Variants in PDE10A observed in about 807,000 individuals in gnomAD.
PDE10A encodes phosphodiesterase 10A, also known as cAMP and cAMP-inhibited cGMP 3',5'-cyclic phosphodiesterase 10A.
A neutral mutation model predicts 97.7 loss-of-function variants in PDE10A; 39 were observed. That is an observed-to-expected ratio of 0.40 (90% CI 0.31 to 0.52). The LOEUF (loss-of-function observed/expected upper bound fraction) is 0.52, where lower values mean the gene tolerates loss of function less well. Ranked by LOEUF, PDE10A falls within the 20% of genes least tolerant of loss-of-function variation. The pLI is 0.56. For missense variants in PDE10A, 731 were observed against 1,047.8 expected (o/e 0.70, Z 4.17); for synonymous variants, 371 against 376.8 (o/e 0.98, Z 0.18).
chr6:165,543,419 G>T, intron 2 of PDE10A, 21 bp downstream of exon 2: 2 of 1,594,250 alleles, frequency 1.3e-6, no homozygotes, highest in South Asian at 2.3e-5. Flanking sequence ...GGTTTAAAAT[G>T]AGATCCACAA....
chr6:165,623,919 G>T (rs937398719), intron 1 of PDE10A, among the ~76,000 whole-genome samples: 1 of 152,184 alleles, frequency 6.6e-6, no homozygotes, highest in African/African-American at 2.4e-5. Flanking sequence ...CTCAGTGGCT[G>T]CATGCTTCTC....
chr6:165,406,324 A>T (rs1787164302), intron 13 of PDE10A, among the ~76,000 whole-genome samples: 1 of 150,188 alleles, frequency 6.7e-6, no homozygotes, highest in Non-Finnish European at 1.5e-5. Flanking sequence ...TAACTTTGTG[A>T]CTCAATGCAC....
chr6:165,550,475 T>C (rs188919943), intron 1 of PDE10A, among the ~76,000 whole-genome samples: 5 of 152,174 alleles, frequency 3.3e-5, no homozygotes, highest in Non-Finnish European at 7.3e-5. Context: ...ATTACTGAAC[T>C]ATAATAGTCC....
chr6:165,411,772 CTATT>C (rs1787860393), intron 13 of PDE10A, among the ~76,000 whole-genome samples: 1 of 152,084 alleles, frequency 6.6e-6, no homozygotes, highest in African/African-American at 2.4e-5. Flanking sequence ...AAGATAGTAT[CTATT>C]TAACAGAGAA....
At chr6:165,881,142 G>C (rs902511214) in intron 1 of PDE10A, among the ~76,000 whole-genome samples, 23 of 152,160 alleles carry the variant, frequency 1.5e-4, no homozygotes, top group African/African-American at 5.5e-4. Context: ...TGGCTTCTAG[G>C]CTTCTCTGAT....
rs544317205 is a variant in PDE10A, at chr6:165,552,125, T to C, written c.866-8557A>G. Among the ~76,000 whole-genome samples, 332 of 152,284 alleles carry C rather than the reference T, an allele frequency of 2.2e-3. 2 individuals are homozygous for C. Among genetic ancestry groups the C allele is most frequent in the African/African-American group, 7.7e-3 (318 of 41,562 alleles). On this transcript the variant is annotated intron_variant, in intron 1 of 21. Coordinates refer to ENST00000539869, the MANE Select transcript of PDE10A (RefSeq NM_001385079.1). ...CTCCACTCACTGCACTATACTCTCA[T>C]TGTACCCTCCTCCTCCTACACTTCA...
At chr6:165,726,759 C>T (rs886367163) in intron 1 of PDE10A, among the ~76,000 whole-genome samples, 1 of 152,250 alleles carries the variant, frequency 6.6e-6, no homozygotes, top group Non-Finnish European at 1.5e-5. Flanking sequence ...GGAAGACAGG[C>T]CATCCTCTGC....
chr6:165,766,040 A>G (rs1018895531), intron 1 of PDE10A, among the ~76,000 whole-genome samples: 3 of 152,240 alleles, frequency 2.0e-5, no homozygotes, highest in Non-Finnish European at 2.9e-5. Flanking sequence ...AGTAAAATAC[A>G]AACAGGTAGA....
At chr6:165,545,608 T>C (rs1250207173) in intron 1 of PDE10A, among the ~76,000 whole-genome samples, 4 of 151,936 alleles carry the variant, frequency 2.6e-5, no homozygotes, top group Admixed American at 1.3e-4. Flanking sequence ...AACTGAAAAA[T>C]GGGCCAAAGG....
intron 13 of PDE10A, among the ~76,000 whole-genome samples, chr6:165,405,499 A>G (rs1333958115): frequency 1.3e-5 from 2 of 152,224 alleles, no homozygotes; most frequent in East Asian, 3.8e-4. Flanking sequence ...ACTGTCTACT[A>G]TGGACTATGC....
intron 3 of PDE10A, among the ~76,000 whole-genome samples, chr6:165,479,220 CCCTAAT>C (rs1284125125): frequency 6.6e-6 from 1 of 152,144 alleles, no homozygotes; most frequent in Non-Finnish European, 1.5e-5. Context: ...ACCATTACAA[CCCTAAT>C]CCTAGCCATC....
At chr6:165,963,948 C>T (rs1294041185) in intron 1 of PDE10A, among the ~76,000 whole-genome samples, 1 of 152,232 alleles carries the variant, frequency 6.6e-6, no homozygotes, top group Admixed American at 6.5e-5. Context: ...GGGCAAGAAT[C>T]CGTCAGCTAA....
chr6:165,825,110 T>C (rs551026535), intron 1 of PDE10A, among the ~76,000 whole-genome samples: 2 of 138,178 alleles, frequency 1.4e-5, no homozygotes, highest in African/African-American at 5.5e-5. Flanking sequence ...ATCGCACCAC[T>C]GCACTCCAGC....
chr6:165,623,096 C>A (rs554910810), intron 1 of PDE10A, among the ~76,000 whole-genome samples: 2 of 152,278 alleles, frequency 1.3e-5, no homozygotes, highest in African/African-American at 4.8e-5. Context: ...TCTGCAGACC[C>A]ATGAGCCAAT....
rs115541106 is a variant in PDE10A at position 165,344,024 on chromosome 6, G to C, written c.2784-522C>G. 5.3e-3 allele frequency among the ~76,000 whole-genome samples: 808 copies of C among 152,324 alleles called. 6 individuals are homozygous for C. Among genetic ancestry groups the C allele is most frequent in the African/African-American group, 0.018 (747 of 41,566 alleles). ...CAACCTGGTTCCTCACTCTCCCCGT[G>C]CAAGTGTGTGAGCTGGATGCAGCCT... On this transcript the variant is annotated intron_variant, in intron 18 of 21. Transcript: ENST00000539869.
chr6:165,379,357 G>T lies in PDE10A; in HGVS notation c.2620C>A (p.His874Asn). Residue 874 changes from histidine to asparagine, a missense_variant, in exon 18 of 22, where the codon CAC becomes AAC. Physicochemically the swap from His to Asn is moderately conservative, Grantham distance 68. This residue lies in a region of PDE10A where 25 missense variants were observed against 83.7 expected (regional missense o/e 0.30). Coordinates refer to ENST00000539869, the MANE Select transcript of PDE10A (RefSeq NM_001385079.1). ...GAGCTCAGAGTGGAGAAGATATTGT[G>T]CCCTTCCAACTAGGGAAAAAATACA... ...QTVSILQLEG[H>N]NIFSTLSSSE... 3.7e-6 allele frequency: 6 copies of T among 1,610,088 alleles called. No individual in the cohort carries two copies. The highest frequency in any genetic ancestry group is 5.1e-6 in the Non-Finnish European group (6 of 1,178,652).
At chr6:165,958,732 A>AG (rs1784261805) in intron 1 of PDE10A, among the ~76,000 whole-genome samples, 1 of 13,534 alleles carries the variant, frequency 7.4e-5, no homozygotes, top group Admixed American at 1.0e-3. Flanking sequence ...AGAAAGAAAG[A>AG]AAGAAAGAAA....
intron 1 of PDE10A, among the ~76,000 whole-genome samples, chr6:165,873,807 C>T (rs1583217888): frequency 1.3e-5 from 2 of 152,088 alleles, no homozygotes; most frequent in Admixed American, 1.3e-4. Context: ...GAAACACATA[C>T]TATGAAGGAA....
chr6:165,380,100 T>C (rs1258319984), intron 17 of PDE10A, among the ~76,000 whole-genome samples: 3 of 152,202 alleles, frequency 2.0e-5, no homozygotes, highest in African/African-American at 7.2e-5. Flanking sequence ...TTTTAAAAAC[T>C]TTATAATAAT....
Sources: gnomAD v4.1 joint callset for allele counts (sites outside exome capture counted in the v4.1 genomes callset) on GRCh38, gnomAD v4.1.1 for gene constraint, gnomAD v4.1.1 regional missense constraint, MANE v1.5 for transcripts, NCBI Gene and HGNC (gene_info 2026-07-23, HGNC 2026-07-21) for gene names.